PIKFYVE: variants seen among roughly 807,000 people sequenced by gnomAD.
PIKFYVE encodes 1-phosphatidylinositol 3-phosphate 5-kinase.
PIKFYVE carries 122 observed loss-of-function variants against 257.9 expected under a neutral mutation model. The observed-to-expected ratio is 0.47, with a 90% confidence interval of 0.41 to 0.55. The LOEUF is 0.55. Among genes scored for constraint, PIKFYVE ranks in the 20% least tolerant of loss-of-function variants. The probability of loss-of-function intolerance (pLI) is 0.00; values close to 1 mark genes in which losing one functional copy is unlikely to be tolerated. For synonymous variants in PIKFYVE, 892 were observed against 868.9 expected, an observed-to-expected ratio of 1.03 and a Z score of -0.47; for missense variants, 2,160 against 2,536.6, an observed-to-expected ratio of 0.85 and a Z score of 3.19.
At chr2:208,342,787 G>C (rs1365430880) in intron 32 of PIKFYVE, 138 bp downstream of exon 32, 2 of 544,792 alleles carry the variant, frequency 3.7e-6, no homozygotes. Flanking sequence ...AGTCGTGATA[G>C]CTTGTTCTTT....
chr2:208,354,325 T>G (rs6435452), intron 40 of PIKFYVE, among the ~76,000 whole-genome samples, 166 bp downstream of exon 40: 10 of 152,162 alleles, frequency 6.6e-5, no homozygotes, highest in Non-Finnish European at 1.0e-4. Context: ...CTCAGTTTCC[T>G]CATTTTCATT....
Position 208,288,790 on chromosome 2 carries a change from G to C in PIKFYVE, c.883G>C (p.Asp295His), listed in dbSNP as rs143530585. The change falls in exon 7 of 42, where the codon GAT becomes CAT. Residue 295 changes from aspartate (D) to histidine (H), a missense_variant. Around this residue, in one of 12 missense-constraint regions of PIKFYVE, gnomAD observed 187 missense variants for 185.6 expected, o/e 1.01. Coordinates refer to ENST00000264380, the MANE Select transcript of PIKFYVE (RefSeq NM_015040.4). ...AACAAGACTTGTATCTGTGCAAGAG[G>C]ATGCTGGGAAATCTCCTGCTCGAAA... ...LSTRLVSVQE[D>H]AGKSPARNRS... The C allele has an allele frequency of 1.9e-6, 3 of 1,614,012 alleles. No individual in the cohort carries two copies. Among genetic ancestry groups the C allele is most frequent in the South Asian group, 1.1e-5 (1 of 91,078 alleles).
rs1233692084 is a variant in PIKFYVE at position 208,342,429 on chromosome 2, T to G, written c.4932-125T>G. The G allele has an allele frequency of 2.0e-5, 14 of 716,670 alleles. No individual in the cohort carries two copies. The East Asian group carries it at 3.8e-4, about 19-fold the overall frequency. 44.4% of individuals were successfully genotyped at this position (716,670 alleles called of 1,614,324 possible). A position where few individuals can be genotyped will look rare whatever the true frequency, so the allele number is the denominator to read the frequency against. On this transcript the variant is annotated intron_variant, in intron 31 of 41. Coordinates refer to ENST00000264380, the MANE Select transcript of PIKFYVE (RefSeq NM_015040.4). ...ATTTTCTAATTGCCTTCAAAAACTT[T>G]CTCTTGAAATCTTTTTCTTTCCTAA...
chr2:208,350,092 G>A lies in PIKFYVE; in HGVS notation c.5434+9G>A. The A allele has an allele frequency of 6.2e-7, 1 of 1,612,434 alleles. No individual in the cohort carries two copies. Among genetic ancestry groups the A allele is most frequent in the Non-Finnish European group, 8.5e-7 (1 of 1,178,978 alleles). On this transcript the variant is annotated intron_variant, in intron 36 of 41. Transcript: ENST00000264380. ...TCCTCATGTGGAACTTCGTAAGTAT[G>A]AGATATTATATCATTGGTTTGGGGA...
At chr2:208,338,150 T>C (rs1340973902) in intron 28 of PIKFYVE, among the ~76,000 whole-genome samples, 1 of 152,208 alleles carries the variant, frequency 6.6e-6, no homozygotes, top group Non-Finnish European at 1.5e-5. Context: ...ATTTTCTATT[T>C]AGCTAGACAT....
chr2:208,313,157 G>A (rs945906426), intron 13 of PIKFYVE, among the ~76,000 whole-genome samples: 2 of 152,134 alleles, frequency 1.3e-5, no homozygotes, highest in African/African-American at 4.8e-5. Flanking sequence ...AGAGGGGACA[G>A]GTTAGAGAAT....
chr2:208,273,783 C>T (rs776606595), intron 3 of PIKFYVE, 50 bp downstream of exon 3: 3 of 1,602,958 alleles, frequency 1.9e-6, no homozygotes, highest in African/African-American at 2.7e-5. Flanking sequence ...GATTTTTCCA[C>T]AGTCATTGTG....
chr2:208,290,519 C>T (rs1377009978), intron 7 of PIKFYVE, among the ~76,000 whole-genome samples: 1 of 152,212 alleles, frequency 6.6e-6, no homozygotes, highest in Admixed American at 6.5e-5. Context: ...TACTCACCTA[C>T]TGAAGGACAT....
chr2:208,334,414 G>A lies in PIKFYVE; in HGVS notation c.4143-892G>A, dbSNP rs979746488. Reference sequence around the variant, plus strand: ...TTAATCTACCTGCACTGGCTGCCCAGGACCTCTCTGCTCTTACCTCCTACT... The same window carrying A: ...TTAATCTACCTGCACTGGCTGCCCAAGACCTCTCTGCTCTTACCTCCTACT... On this transcript the variant is annotated intron_variant, in intron 24 of 41. Transcript: ENST00000264380. The A allele has an allele frequency of 3.9e-5, 6 of 153,250 alleles. No individual in the cohort carries two copies. In the Admixed American group the frequency reaches 3.9e-4, roughly 10 times the overall value. The allele number at this position is 153,250 out of a possible 1,614,324, so 9.5% of individuals were successfully genotyped here.
At chr2:208,273,463 A>C in intron 2 of PIKFYVE, 121 bp from the exon 3 acceptor site, 1 of 1,188,484 alleles carries the variant, frequency 8.4e-7, no homozygotes, top group Non-Finnish European at 1.2e-6. Flanking sequence ...AAAAGGAAAA[A>C]AAAAATTTTT....
intron 10 of PIKFYVE, among the ~76,000 whole-genome samples, chr2:208,303,731 A>G (rs1694002747): frequency 6.6e-6 from 1 of 152,204 alleles, no homozygotes. Context: ...ATGTTTAGTA[A>G]CACCTTTGTG....
intron 27 of PIKFYVE, among the ~76,000 whole-genome samples, 191 bp from the exon 28 acceptor site, chr2:208,336,647 A>G (rs1698168167): frequency 1.3e-5 from 2 of 151,914 alleles, no homozygotes; most frequent in African/African-American, 4.8e-5. Flanking sequence ...AACTATAGTG[A>G]GATCAACAAA....
At position 208,282,997 on chromosome 2, in the gene PIKFYVE, G is replaced by A. The variant is rs531185184; in HGVS notation, c.614-2729G>A. On this transcript the variant is annotated intron_variant, in intron 5 of 41. Transcript: ENST00000264380. The stretch of plus-strand genomic sequence containing the variant: ...CACCGCTGATCTGACAGGAGGTGGA[G>A]CTCAGGAGGTAATGCCCGTTTGTGT... Among the ~76,000 whole-genome samples, 5 of 152,290 alleles carry A rather than the reference G, an allele frequency of 3.3e-5. No individual in the cohort carries two copies. In the South Asian group the frequency reaches 1.0e-3, roughly 32 times the overall value.
In PIKFYVE at chr2:208,320,287, G is replaced by T; in HGVS notation, c.2118G>T (p.Leu706=). 1 of 1,611,994 alleles carries T rather than the reference G, an allele frequency of 6.2e-7. No homozygotes were observed. Residue 706 remains leucine, a synonymous_variant, in exon 17 of 42, where the codon CTG becomes CTT. Coordinates refer to ENST00000264380, the MANE Select transcript of PIKFYVE (RefSeq NM_015040.4). ...SSCIKNPKIL[L]LKCSIEYLYR... is the part of the protein sequence containing the mutation. ...GTATTAAAAACCCCAAAATTCTTCT[G>T]TTGAAGTGTTCCATTGAGTATCTCT...
In PIKFYVE at chr2:208,358,553, CATA is replaced by C. The variant is rs1412925373; in HGVS notation, c.*3249_*3251del. 6.6e-6 allele frequency: 1 copy of C among 152,488 alleles called. No homozygotes were observed. The highest frequency in any genetic ancestry group is 2.4e-5 in the African/African-American group (1 of 41,416). 9.4% of individuals were successfully genotyped at this position (152,488 alleles called of 1,614,324 possible). ...AAACTAGGGAAATGACATTGTAAAT[CATA>C]GTAGCCTCTTTTAATTTAATATGAA... is the stretch of plus-strand genomic sequence containing the variant. On this transcript the variant is annotated 3_prime_UTR_variant, in exon 42 of 42. Transcript: ENST00000264380.
At chr2:208,272,183 C>A (rs142532490) in intron 2 of PIKFYVE, among the ~76,000 whole-genome samples, 43 of 151,096 alleles carry the variant, frequency 2.8e-4, no homozygotes, top group Non-Finnish European at 5.2e-4. Context: ...TGCAGTGAGC[C>A]GAGATTGCGC....
intron 5 of PIKFYVE, among the ~76,000 whole-genome samples, chr2:208,278,553 C>G (rs1043489688): frequency 1.3e-5 from 2 of 152,034 alleles, no homozygotes; most frequent in African/African-American, 4.8e-5. Context: ...AACCTTGCTC[C>G]TCTTCCTCCC....
chr2:208,307,122 A>G (rs769956616), intron 12 of PIKFYVE, among the ~76,000 whole-genome samples: 21 of 152,138 alleles, frequency 1.4e-4, no homozygotes, highest in African/African-American at 4.8e-5. Context: ...GTAAGTGGCA[A>G]CTTTCGTAGG....
At chr2:208,304,699 A>C (rs1694107167) in intron 11 of PIKFYVE, 147 bp from the exon 12 acceptor site, 1 of 741,644 alleles carries the variant, frequency 1.3e-6, no homozygotes, top group African/African-American at 1.8e-5. Context: ...ACACAGAAGT[A>C]CATGAAAATA....
Sources: gnomAD v4.1 joint callset for allele counts (sites outside exome capture counted in the v4.1 genomes callset) on GRCh38, gnomAD v4.1.1 for gene constraint, gnomAD v4.1.1 regional missense constraint, MANE v1.5 for transcripts, NCBI Gene and HGNC (gene_info 2026-07-23, HGNC 2026-07-21) for gene names.